WWTR1: variants seen among roughly 807,000 people sequenced by gnomAD.
WWTR1 encodes WW domain containing transcription regulator 1.
A neutral mutation model predicts 40.1 loss-of-function variants in WWTR1; 13 were observed. The ratio of observed to expected loss-of-function variants is 0.32; its 90% CI spans 0.21 to 0.52. The LOEUF (loss-of-function observed/expected upper bound fraction) is 0.52. Among genes scored for constraint, WWTR1 ranks in the 20% least tolerant of loss-of-function variants. WWTR1 has a pLI of 0.97. For synonymous variants in WWTR1, 230 were observed against 210.1 expected, an observed-to-expected ratio of 1.09 and a Z score of -0.82; for missense variants, 436 against 523.1, an observed-to-expected ratio of 0.83 and a Z score of 1.63.
rs534032433 is a variant in WWTR1, at chr3:149,613,106, A to T, written c.432-40106T>A. 1.2e-4 allele frequency among the ~76,000 whole-genome samples: 18 copies of T among 152,306 alleles called. 1 individual carries two copies. In the South Asian group the frequency reaches 3.7e-3, roughly 32 times the overall value. On this transcript the variant is annotated intron_variant, in intron 2 of 6. Transcript: ENST00000360632. ...GGCTTTTTATACTTTCAGGATCATA[A>T]GGGGAGAGACTACACTCTGCTAGTG...
intron 3 of WWTR1, among the ~76,000 whole-genome samples, chr3:149,554,445 T>G (rs1209707244): frequency 1.3e-5 from 2 of 152,206 alleles, no homozygotes; most frequent in Non-Finnish European, 2.9e-5. Flanking sequence ...CTATCCTGCC[T>G]GCCCATCCAA....
chr3:149,521,370 C>T (rs1401991688), intron 6 of WWTR1, among the ~76,000 whole-genome samples: 1 of 152,176 alleles, frequency 6.6e-6, no homozygotes, highest in Admixed American at 6.5e-5. Flanking sequence ...CCATACCATC[C>T]TTCTTTATGT....
At chr3:149,592,337 G>A (rs1017549101) in intron 2 of WWTR1, among the ~76,000 whole-genome samples, 2 of 151,990 alleles carry the variant, frequency 1.3e-5, no homozygotes, top group African/African-American at 4.8e-5. Flanking sequence ...ACTATTTATG[G>A]TATTTATTAC....
At chr3:149,664,273 T>G (rs1201622462) in intron 2 of WWTR1, among the ~76,000 whole-genome samples, 1 of 152,172 alleles carries the variant, frequency 6.6e-6, no homozygotes, top group Non-Finnish European at 1.5e-5. Context: ...GGACCTTGAA[T>G]AGATAAAGGT....
At chr3:149,611,488 C>A (rs571115978) in intron 2 of WWTR1, among the ~76,000 whole-genome samples, 1 of 152,332 alleles carries the variant, frequency 6.6e-6, no homozygotes, top group Admixed American at 6.5e-5. Context: ...GTTTGCCTAT[C>A]CCTGACATAG....
intron 3 of WWTR1, chr3:149,724,655 T>C (rs1715832485): frequency 6.6e-6 from 1 of 152,156 alleles, no homozygotes; most frequent in South Asian, 2.1e-4. Context: ...GACCCTATGT[T>C]AAGAACCCCT....
At chr3:149,688,226 C>T (rs984379903) in intron 1 of WWTR1, among the ~76,000 whole-genome samples, 5 of 152,042 alleles carry the variant, frequency 3.3e-5, no homozygotes, top group Non-Finnish European at 5.9e-5. Flanking sequence ...AAGGGAAAGA[C>T]GCAAGCCTGG....
In WWTR1 at chr3:149,669,484, G is replaced by A. The variant is rs539863135; in HGVS notation, c.-4+304C>T. Reference sequence around the variant, plus strand: ...TTTCACTTGAACTTGCACTTCTATCGTTTAAAGAAGACAAACAAGGTCCCC... The same window carrying A: ...TTTCACTTGAACTTGCACTTCTATCATTTAAAGAAGACAAACAAGGTCCCC... On this transcript the variant is annotated intron_variant, in intron 2 of 7. Transcript: ENST00000465804. Among the ~76,000 whole-genome samples the A allele has an allele frequency of 5.9e-5, 9 of 152,246 alleles. No individual in the cohort carries two copies. In the South Asian group the frequency reaches 6.2e-4, roughly 11 times the overall value.
At chr3:149,647,151 G>A (rs980275872) in intron 2 of WWTR1, among the ~76,000 whole-genome samples, 8 of 152,134 alleles carry the variant, frequency 5.3e-5, no homozygotes, top group African/African-American at 9.7e-5. Flanking sequence ...TACTCACAAA[G>A]AGTTTCTCTG....
chr3:149,558,857 C>T (rs1310668034), intron 3 of WWTR1, among the ~76,000 whole-genome samples: 1 of 152,262 alleles, frequency 6.6e-6, no homozygotes, highest in East Asian at 1.9e-4. Flanking sequence ...GTGAGATCCT[C>T]AATCACATCC....
chr3:149,686,171 C>G (rs115044238), intron 1 of WWTR1, among the ~76,000 whole-genome samples: 1 of 152,134 alleles, frequency 6.6e-6, no homozygotes, highest in Non-Finnish European at 1.5e-5. Context: ...TGATGCAGTG[C>G]CCCACAATGA....
At chr3:149,604,448 G>A (rs1739394290) in intron 2 of WWTR1, among the ~76,000 whole-genome samples, 2 of 152,194 alleles carry the variant, frequency 1.3e-5, no homozygotes, top group Admixed American at 6.5e-5. Context: ...AGCAGGGCCA[G>A]GTTTTACTCT....
At chr3:149,707,889 G>A (rs1054326125), upstream of WWTR1, among the ~76,000 whole-genome samples, 2 of 149,270 alleles carry the variant, frequency 1.3e-5, no homozygotes, top group African/African-American at 4.9e-5. Context: ...ATGGCCAACA[G>A]TATGGTATGG....
At chr3:149,576,515 T>C (rs1350184488) in intron 2 of WWTR1, among the ~76,000 whole-genome samples, 1 of 152,190 alleles carries the variant, frequency 6.6e-6, no homozygotes, top group Admixed American at 6.5e-5. Flanking sequence ...TCCCACCTCC[T>C]TCCTGGCTTC....
At chr3:149,523,994 G>C (rs1735175588) in intron 6 of WWTR1, among the ~76,000 whole-genome samples, 1 of 152,226 alleles carries the variant, frequency 6.6e-6, no homozygotes, top group Non-Finnish European at 1.5e-5. Flanking sequence ...ACATTATCAA[G>C]TCCATTGTAT....
At chr3:149,568,897 GCTGGGACTACAGGCGCCCGCCA>G (rs1204324611) in intron 3 of WWTR1, among the ~76,000 whole-genome samples, 4 of 152,204 alleles carry the variant, frequency 2.6e-5, no homozygotes, top group Non-Finnish European at 5.9e-5. Context: ...CTCCCGAGCA[GCTGGGACTACAGGCGCCCGCCA>G]CCACACCCAG....
intron 1 of WWTR1, among the ~76,000 whole-genome samples, chr3:149,679,212 C>T (rs78314076): frequency 0.043 from 6,542 of 152,238 alleles, 288 homozygotes; most frequent in East Asian, 0.13. Context: ...TCCTCTCTGA[C>T]TTCTGTTGGG....
chr3:149,594,950 CTTTTTTTTTTTTTTTTTTTTT>C (rs563658190), intron 2 of WWTR1, among the ~76,000 whole-genome samples: 1 of 61,772 alleles, frequency 1.6e-5, no homozygotes, highest in African/African-American at 5.5e-5. Flanking sequence ...CTCTTTTTTA[CTTTTTTTTTTTTTTTTTTTTT>C]TTTTTTTTTG....
At chr3:149,576,746 T>C (rs1474142772) in intron 2 of WWTR1, among the ~76,000 whole-genome samples, 2 of 151,960 alleles carry the variant, frequency 1.3e-5, no homozygotes, top group Non-Finnish European at 2.9e-5. Flanking sequence ...ACAGGCTCAC[T>C]GGTAATTTTT....
Sources: gnomAD v4.1 joint callset for allele counts (sites outside exome capture counted in the v4.1 genomes callset) on GRCh38, gnomAD v4.1.1 for gene constraint, MANE v1.5 for transcripts, NCBI Gene and HGNC (gene_info 2026-07-23, HGNC 2026-07-21) for gene names.